The following MACROD2 variants were observed in gnomAD, a reference collection of about 807,000 sequenced individuals.
MACROD2 encodes mono-ADP ribosylhydrolase 2.
MACROD2 carries 36 observed loss-of-function variants against 70.4 expected under a neutral mutation model. The observed-to-expected ratio is 0.51, with a 90% CI of 0.39 to 0.68. MACROD2 has a LOEUF of 0.68. Among genes scored for constraint, MACROD2 ranks in the 30% least tolerant of loss-of-function variants. MACROD2 has a pLI of 0.00. For synonymous variants in MACROD2, 172 were observed against 178.8 expected (o/e 0.96, Z 0.30); for missense variants, 496 against 538.4 (o/e 0.92, Z 0.78).
At chr20:14,785,410 C>T (rs1184116563) in intron 5 of MACROD2, among the ~76,000 whole-genome samples, 1 of 151,226 alleles carries the variant, frequency 6.6e-6, no homozygotes, top group Non-Finnish European at 1.5e-5. Flanking sequence ...GGGATGATAA[C>T]CAGAAAAAAT....
At chr20:14,481,352 A>G (rs927172047) in intron 3 of MACROD2, among the ~76,000 whole-genome samples, 1 of 152,166 alleles carries the variant, frequency 6.6e-6, no homozygotes, top group Non-Finnish European at 1.5e-5. Context: ...AAATTTGGCT[A>G]AGGTTATCAG....
intron 10 of MACROD2, among the ~76,000 whole-genome samples, chr20:15,914,626 C>T (rs1010479236): frequency 2.6e-5 from 4 of 152,194 alleles, no homozygotes; most frequent in African/African-American, 9.7e-5. Context: ...CTTCTAACAT[C>T]AAATATGTGT....
chr20:14,069,476 CTCAGT>C (rs2053810755), intron 2 of MACROD2, among the ~76,000 whole-genome samples: 1 of 151,562 alleles, frequency 6.6e-6, no homozygotes, highest in Non-Finnish European at 1.5e-5. Flanking sequence ...GCTGGCCTCC[CTCAGT>C]TATGTTGCCT....
chr20:15,816,507 G>T (rs2063877312), intron 8 of MACROD2, among the ~76,000 whole-genome samples: 2 of 152,012 alleles, frequency 1.3e-5, no homozygotes, highest in East Asian at 1.9e-4. Flanking sequence ...TCATTTACAA[G>T]CCATAGCAAT....
chr20:14,358,216 T>C (rs1329592729), intron 3 of MACROD2, among the ~76,000 whole-genome samples: 1 of 152,208 alleles, frequency 6.6e-6, no homozygotes, highest in East Asian at 1.9e-4. Context: ...TAGGATAAAG[T>C]ATGCAGGAGT....
chr20:15,701,017 T>C (rs997644942), intron 8 of MACROD2, among the ~76,000 whole-genome samples: 4 of 152,232 alleles, frequency 2.6e-5, no homozygotes, highest in Admixed American at 6.5e-5. Flanking sequence ...ACGATGCTCA[T>C]GTTGGTTCAG....
At chr20:15,508,739 C>A (rs1186078966) in intron 8 of MACROD2, among the ~76,000 whole-genome samples, 4 of 152,108 alleles carry the variant, frequency 2.6e-5, no homozygotes, top group Non-Finnish European at 4.4e-5. Flanking sequence ...TTCTTTGCCA[C>A]CTGGAGTCAG....
chr20:14,597,186 TGTAA>T (rs1461830142), intron 4 of MACROD2, among the ~76,000 whole-genome samples: 1 of 152,200 alleles, frequency 6.6e-6, no homozygotes, highest in East Asian at 1.9e-4. Flanking sequence ...TTTCTGAGGA[TGTAA>T]GTGATGAATT....
chr20:16,032,333 A>G (rs2067162270), intron 15 of MACROD2, among the ~76,000 whole-genome samples: 1 of 152,064 alleles, frequency 6.6e-6, no homozygotes, highest in Admixed American at 6.6e-5. Flanking sequence ...TCCGTACTCC[A>G]AACTTCAGCG....
chr20:15,722,996 G>T (rs2050809238), intron 8 of MACROD2, among the ~76,000 whole-genome samples: 1 of 152,162 alleles, frequency 6.6e-6, no homozygotes, highest in African/African-American at 2.4e-5. Context: ...TTTGTTATGT[G>T]TCAAATGTCT....
At chr20:15,145,892 G>A (rs1201788826) in intron 5 of MACROD2, among the ~76,000 whole-genome samples, 1 of 151,982 alleles carries the variant, frequency 6.6e-6, no homozygotes, top group Non-Finnish European at 1.5e-5. Context: ...TATGAAAGTG[G>A]TGACTAGTTT....
At chr20:14,738,168 TAA>T in intron 5 of MACROD2, among the ~76,000 whole-genome samples, 1 of 152,268 alleles carries the variant, frequency 6.6e-6, no homozygotes, top group South Asian at 2.1e-4. Flanking sequence ...GAGAGTATTT[TAA>T]AAGTCAGTTT....
At chr20:15,766,789 A>G (rs1050257116) in intron 8 of MACROD2, among the ~76,000 whole-genome samples, 1 of 152,226 alleles carries the variant, frequency 6.6e-6, no homozygotes, top group Non-Finnish European at 1.5e-5. Context: ...ACCGCCTCAT[A>G]GTATAATGGC....
intron 5 of MACROD2, among the ~76,000 whole-genome samples, chr20:15,027,706 T>C (rs2075243603): frequency 7.8e-6 from 1 of 127,658 alleles, no homozygotes; most frequent in Admixed American, 8.4e-5. Context: ...GACTCTCTAA[T>C]TAAAAAAAAA....
chr20:14,433,199 G>C (rs577194840), intron 3 of MACROD2, among the ~76,000 whole-genome samples: 22 of 152,238 alleles, frequency 1.4e-4, no homozygotes, highest in African/African-American at 5.3e-4. Flanking sequence ...TAAGGAAGGA[G>C]ATGAAATAAG....
At chr20:14,736,337 G>A (rs1012371502) in intron 5 of MACROD2, among the ~76,000 whole-genome samples, 4 of 152,158 alleles carry the variant, frequency 2.6e-5, no homozygotes. Context: ...GGAGTGGGGA[G>A]TGATTGCTTA....
chr20:14,303,295 A>T (rs1222114629), intron 3 of MACROD2, among the ~76,000 whole-genome samples: 1 of 152,140 alleles, frequency 6.6e-6, no homozygotes, highest in Non-Finnish European at 1.5e-5. Context: ...GGATCAGCGG[A>T]TCTTTTAATC....
intron 8 of MACROD2, among the ~76,000 whole-genome samples, chr20:15,558,941 G>A (rs2048204392): frequency 6.6e-6 from 1 of 152,132 alleles, no homozygotes; most frequent in Admixed American, 6.5e-5. Flanking sequence ...TATGCTACTA[G>A]GATCACATTT....
intron 3 of MACROD2, among the ~76,000 whole-genome samples, chr20:14,397,068 C>T (rs1205411829): frequency 3.5e-5 from 5 of 141,836 alleles, no homozygotes; most frequent in Admixed American, 1.5e-4. Context: ...AATCTCGGCT[C>T]ACTGCAAGCT....
Sources: gnomAD v4.1 joint callset for allele counts (sites outside exome capture counted in the v4.1 genomes callset) on GRCh38, gnomAD v4.1.1 for gene constraint, MANE v1.5 for transcripts, NCBI Gene and HGNC (gene_info 2026-07-23, HGNC 2026-07-21) for gene names.